Variants in ASIC2 observed in about 807,000 individuals in gnomAD.
The protein encoded by ASIC2 is acid-sensing ion channel 2.
Under a neutral mutation model 57.3 loss-of-function variants are expected in ASIC2, and 25 were observed. That is an observed-to-expected ratio of 0.44 (90% CI 0.32 to 0.61). ASIC2 has a LOEUF of 0.61. Among genes scored for constraint, ASIC2 ranks in the 20% least tolerant of loss-of-function variants. ASIC2 has a pLI of 0.06. For synonymous variants in ASIC2, 319 were observed against 307.5 expected (o/e 1.04, Z -0.39); for missense variants, 641 against 738.1 (o/e 0.87, Z 1.52).
intron 1 of ASIC2, among the ~76,000 whole-genome samples, chr17:33,724,062 G>A (rs542260520): frequency 1.3e-5 from 2 of 152,060 alleles, no homozygotes; most frequent in African/African-American, 4.8e-5. Context: ...AATCATGGGG[G>A]TGGGTCTTTC....
At chr17:33,971,630 C>T (rs1293447840) in intron 1 of ASIC2, among the ~76,000 whole-genome samples, 3 of 152,082 alleles carry the variant, frequency 2.0e-5, no homozygotes, top group African/African-American at 7.2e-5. Context: ...TGCCCATATA[C>T]ATGTAAGGAC....
chr17:34,155,177 G>A (rs1045756971), intron 1 of ASIC2, among the ~76,000 whole-genome samples: 1 of 151,694 alleles, frequency 6.6e-6, no homozygotes, highest in Admixed American at 6.6e-5. Flanking sequence ...AGAGAAAACC[G>A]AGCCTTTGAG....
At chr17:33,649,851 T>C (rs1359500700) in intron 1 of ASIC2, among the ~76,000 whole-genome samples, 1 of 152,248 alleles carries the variant, frequency 6.6e-6, no homozygotes, top group East Asian at 1.9e-4. Context: ...AACCTAAGCC[T>C]TACTTTAACT....
At chr17:34,086,875 T>C (rs1306397145) in intron 1 of ASIC2, among the ~76,000 whole-genome samples, 1 of 152,246 alleles carries the variant, frequency 6.6e-6, no homozygotes, top group Non-Finnish European at 1.5e-5. Flanking sequence ...TGCCTTTTTT[T>C]GTTTTCCATT....
intron 1 of ASIC2, among the ~76,000 whole-genome samples, chr17:33,113,010 T>C (rs777835601): frequency 3.3e-5 from 5 of 152,156 alleles, no homozygotes; most frequent in Non-Finnish European, 5.9e-5. Context: ...CACTGGAAGG[T>C]AGACTCCAGG....
chr17:33,051,886 T>A (rs541114204), intron 3 of ASIC2, among the ~76,000 whole-genome samples: 17 of 152,330 alleles, frequency 1.1e-4, no homozygotes, highest in Non-Finnish European at 2.2e-4. Context: ...ATTTCAATTA[T>A]TCAAGGATCC....
At chr17:33,144,837 ACT>A (rs1436116266) in intron 1 of ASIC2, among the ~76,000 whole-genome samples, 1 of 151,918 alleles carries the variant, frequency 6.6e-6, no homozygotes, top group East Asian at 1.9e-4. Flanking sequence ...CTTCCAGAAA[ACT>A]CACTCTCCTG....
At chr17:33,970,109 A>G (rs1905185261) in intron 1 of ASIC2, among the ~76,000 whole-genome samples, 1 of 123,418 alleles carries the variant, frequency 8.1e-6, no homozygotes, top group Non-Finnish European at 2.0e-5. Flanking sequence ...TGGGCTCATT[A>G]ATTCTTTGTT....
chr17:33,198,809 G>A (rs969677542), intron 1 of ASIC2, among the ~76,000 whole-genome samples: 1 of 152,244 alleles, frequency 6.6e-6, no homozygotes, highest in Non-Finnish European at 1.5e-5. Flanking sequence ...GCTAGGGTAA[G>A]ATGCATGGGA....
At chr17:33,176,699 C>A (rs984870838) in intron 1 of ASIC2, among the ~76,000 whole-genome samples, 1 of 152,198 alleles carries the variant, frequency 6.6e-6, no homozygotes. Context: ...ATTTTGATGA[C>A]AATTCAGGGA....
chr17:33,102,887 C>T (rs868557733), intron 2 of ASIC2, among the ~76,000 whole-genome samples: 2 of 152,128 alleles, frequency 1.3e-5, no homozygotes, highest in Admixed American at 6.6e-5. Flanking sequence ...AGGTTCACGC[C>T]ATTCTCCTGC....
intron 1 of ASIC2, among the ~76,000 whole-genome samples, chr17:33,477,355 T>C (rs995029145): frequency 6.6e-6 from 1 of 152,216 alleles, no homozygotes; most frequent in Admixed American, 6.5e-5. Flanking sequence ...ATTGGGAAGC[T>C]ACATGGTGTG....
chr17:33,772,340 A>G (rs1597869966), intron 1 of ASIC2, among the ~76,000 whole-genome samples: 1 of 152,218 alleles, frequency 6.6e-6, no homozygotes, highest in Non-Finnish European at 1.5e-5. Context: ...GCATTAGATC[A>G]TACCCTTTTT....
chr17:33,950,845 T>A (rs1219749431), intron 1 of ASIC2, among the ~76,000 whole-genome samples: 1 of 152,236 alleles, frequency 6.6e-6, no homozygotes, highest in Non-Finnish European at 1.5e-5. Context: ...TTGCACTTTC[T>A]TTTTGGGAAA....
At chr17:33,727,459 C>G (rs1357940026) in intron 1 of ASIC2, among the ~76,000 whole-genome samples, 2 of 152,136 alleles carry the variant, frequency 1.3e-5, no homozygotes, top group African/African-American at 4.8e-5. Flanking sequence ...AACCTCATGT[C>G]AAATTGTCAT....
intron 3 of ASIC2, among the ~76,000 whole-genome samples, chr17:33,074,766 C>G (rs1196046670): frequency 6.6e-6 from 1 of 152,168 alleles, no homozygotes; most frequent in Non-Finnish European, 1.5e-5. Context: ...AAGATGATCT[C>G]CAGTCATTGC....
chr17:34,028,128 T>C (rs1907448277), intron 1 of ASIC2, among the ~76,000 whole-genome samples: 1 of 152,150 alleles, frequency 6.6e-6, no homozygotes, highest in Admixed American at 6.5e-5. Flanking sequence ...TACCTGTAGA[T>C]GTTATCTTTC....
intron 1 of ASIC2, among the ~76,000 whole-genome samples, chr17:33,488,982 C>A (rs562369177): frequency 1.4e-4 from 21 of 152,222 alleles, no homozygotes; most frequent in African/African-American, 4.1e-4. Flanking sequence ...CCCAACCCCT[C>A]CCTGATGAGA....
chr17:34,084,586 T>A (rs1180846901), intron 1 of ASIC2, among the ~76,000 whole-genome samples: 1 of 152,212 alleles, frequency 6.6e-6, no homozygotes, highest in Non-Finnish European at 1.5e-5. Context: ...AAGAAAGTCA[T>A]TGGTTGCTTG....
Sources: allele counts gnomAD v4.1 joint callset (sites outside exome capture counted in the v4.1 genomes callset), GRCh38; gene constraint gnomAD v4.1.1; transcripts MANE v1.5; gene names NCBI Gene and HGNC (gene_info 2026-07-23, HGNC 2026-07-21).